The following AKAP19 variants were observed in gnomAD, a reference collection of about 807,000 sequenced individuals.
AKAP19 encodes the protein small A-kinase anchoring protein.
chr2:190,110,631 T>G, the AKAP19 span, among the ~76,000 whole-genome samples: 1 of 152,226 alleles, frequency 6.6e-6, no homozygotes, highest in Non-Finnish European at 1.5e-5. Context: ...CTTAGCCATT[T>G]ATTTCCTACT....
At chr2:189,976,893 G>A in the AKAP19 span, among the ~76,000 whole-genome samples, 1 of 152,184 alleles carries the variant, frequency 6.6e-6, no homozygotes, top group Admixed American at 6.5e-5. Flanking sequence ...CCCTTGGCTA[G>A]GAAAGGGAAT....
At chr2:190,028,182 A>C in the AKAP19 span, among the ~76,000 whole-genome samples, 1 of 152,130 alleles carries the variant, frequency 6.6e-6, no homozygotes, top group Non-Finnish European at 1.5e-5. Context: ...ATTCATGAGG[A>C]GAAGTAAACA....
chr2:190,187,623 G>C, the AKAP19 span, among the ~76,000 whole-genome samples: 1 of 152,104 alleles, frequency 6.6e-6, no homozygotes, highest in African/African-American at 2.4e-5. Flanking sequence ...ACTTTGAGAG[G>C]CCAAGGCAGA....
At chr2:190,115,672 G>A in the AKAP19 span, among the ~76,000 whole-genome samples, 1 of 151,932 alleles carries the variant, frequency 6.6e-6, no homozygotes, top group African/African-American at 2.4e-5. Context: ...CCCTTTCAAG[G>A]GTCTACTTCT....
the AKAP19 span, among the ~76,000 whole-genome samples, chr2:190,107,793 C>T: frequency 2.6e-5 from 4 of 152,112 alleles, no homozygotes; most frequent in Admixed American, 1.3e-4. Flanking sequence ...AAGAACAGAT[C>T]GAATAATATA....
chr2:189,988,301 T>C, the AKAP19 span, among the ~76,000 whole-genome samples: 1 of 152,328 alleles, frequency 6.6e-6, no homozygotes, highest in South Asian at 2.1e-4. Context: ...TTGATGTAGT[T>C]ACTGGCATAC....
At chr2:190,149,038 A>G in the AKAP19 span, among the ~76,000 whole-genome samples, 1 of 147,640 alleles carries the variant, frequency 6.8e-6, no homozygotes, top group Non-Finnish European at 1.5e-5. Context: ...ATCTCGGCTC[A>G]CTGCAACCTC....
chr2:189,981,302 G>C, the AKAP19 span, among the ~76,000 whole-genome samples: 15 of 129,964 alleles, frequency 1.2e-4, no homozygotes, highest in Non-Finnish European at 2.3e-4. Context: ...GCTGTTGTTG[G>C]TTTGAAGTCT....
the AKAP19 span, among the ~76,000 whole-genome samples, chr2:190,158,616 G>A: frequency 2.0e-5 from 3 of 152,096 alleles, no homozygotes; most frequent in Admixed American, 6.5e-5. Flanking sequence ...ATAGTATCAC[G>A]TTATCATTTA....
At chr2:190,134,315 G>A in the AKAP19 span, among the ~76,000 whole-genome samples, 3 of 152,102 alleles carry the variant, frequency 2.0e-5, no homozygotes, top group Non-Finnish European at 4.4e-5. Context: ...GGATGCAATA[G>A]TTTTATTAAA....
the AKAP19 span, among the ~76,000 whole-genome samples, chr2:189,993,185 A>T: frequency 2.6e-5 from 4 of 152,170 alleles, no homozygotes; most frequent in African/African-American, 9.6e-5. Context: ...CTTGAGGTAT[A>T]TCCCTTCTAT....
chr2:189,918,440 A>T, the AKAP19 span, among the ~76,000 whole-genome samples: 2 of 152,090 alleles, frequency 1.3e-5, no homozygotes, highest in African/African-American at 4.8e-5. Context: ...CAGTAAAAAC[A>T]CCCTAGACTC....
At chr2:189,952,070 GC>G in the AKAP19 span, among the ~76,000 whole-genome samples, 1 of 152,120 alleles carries the variant, frequency 6.6e-6, no homozygotes, top group Non-Finnish European at 1.5e-5. Context: ...ACAATGTACT[GC>G]CCCTAGCCTA....
chr2:189,924,143 T>C, the AKAP19 span: 59 of 1,611,548 alleles, frequency 3.7e-5, no homozygotes, highest in Non-Finnish European at 4.7e-5. Context: ...CTGGAGTTGA[T>C]CAAGGATGAT....
chr2:190,014,497 T>A, the AKAP19 span, among the ~76,000 whole-genome samples: 1 of 152,192 alleles, frequency 6.6e-6, no homozygotes, highest in Non-Finnish European at 1.5e-5. Flanking sequence ...TCCCTCAACA[T>A]GTGGGGATCA....
chr2:189,994,958 AT>A, the AKAP19 span, among the ~76,000 whole-genome samples: 1 of 152,120 alleles, frequency 6.6e-6, no homozygotes, highest in African/African-American at 2.4e-5. Flanking sequence ...TTTGGAGTTA[AT>A]TTCCAGTTTT....
the AKAP19 span, among the ~76,000 whole-genome samples, chr2:190,174,043 C>T: frequency 2.0e-5 from 3 of 152,156 alleles, no homozygotes; most frequent in African/African-American, 7.2e-5. Context: ...AACTACTCAC[C>T]CTGCCACTCC....
chr2:189,994,328 C>T, the AKAP19 span, among the ~76,000 whole-genome samples: 1 of 151,726 alleles, frequency 6.6e-6, no homozygotes, highest in Non-Finnish European at 1.5e-5. Context: ...TTTGTTATTT[C>T]TTTTGTTCTG....
the AKAP19 span, among the ~76,000 whole-genome samples, chr2:189,900,572 T>G: frequency 1.6e-3 from 245 of 152,350 alleles, no homozygotes; most frequent in African/African-American, 5.8e-3. Context: ...AGTAATTCTA[T>G]TTTTCTTGTG....
Sources: gnomAD v4.1 joint callset for allele counts (sites outside exome capture counted in the v4.1 genomes callset) on GRCh38, gnomAD v4.1.1 for gene constraint, MANE v1.5 for transcripts, NCBI Gene and HGNC (gene_info 2026-07-23, HGNC 2026-07-21) for gene names.